Variants in AGTR1 observed in about 807,000 individuals in gnomAD.
AGTR1 encodes the protein angiotensin II receptor type 1.
In AGTR1, 16 loss-of-function variants were observed where a neutral mutation model predicts 19.4. That is an observed-to-expected ratio of 0.82 (90% CI 0.56 to 1.25). AGTR1 has a LOEUF of 1.25. Among genes scored for constraint, AGTR1 ranks in the 50% most tolerant of loss-of-function variants. The pLI, the probability that AGTR1 is intolerant of heterozygous loss-of-function variation, is 0.00. For synonymous variants in AGTR1, 153 were observed against 154.9 expected, an observed-to-expected ratio of 0.99 and a Z score of 0.09; for missense variants, 373 against 431.9, an observed-to-expected ratio of 0.86 and a Z score of 1.21.
chr3:148,705,433 C>A (rs548629033), intron 1 of AGTR1, among the ~76,000 whole-genome samples: 204 of 118,296 alleles, frequency 1.7e-3, no homozygotes, highest in Non-Finnish European at 2.8e-3. Context: ...CTTTAATAAT[C>A]TAACTCTCCC....
chr3:148,718,140 C>G (rs564103848), intron 2 of AGTR1, among the ~76,000 whole-genome samples: 327 of 152,242 alleles, frequency 2.1e-3, no homozygotes, highest in Non-Finnish European at 4.1e-3. Context: ...GCAATAATGC[C>G]TTTTAAAAGA....
At chr3:148,719,997 C>A (rs1456804938) in intron 2 of AGTR1, among the ~76,000 whole-genome samples, 1 of 152,154 alleles carries the variant, frequency 6.6e-6, no homozygotes, top group Non-Finnish European at 1.5e-5. Context: ...GTACAAGTAT[C>A]TCTGGGAATC....
At chr3:148,732,242 A>G (rs1030739345) in intron 2 of AGTR1, among the ~76,000 whole-genome samples, 2 of 152,212 alleles carry the variant, frequency 1.3e-5, no homozygotes, top group African/African-American at 2.4e-5. Context: ...GGTAGTGTCA[A>G]TAAATAACGT....
intron 1 of AGTR1, among the ~76,000 whole-genome samples, chr3:148,704,761 G>A (rs1403280470): frequency 6.6e-6 from 1 of 152,172 alleles, no homozygotes; most frequent in Non-Finnish European, 1.5e-5. Flanking sequence ...GCTTATTGAT[G>A]TTGGTCAAAA....
intron 1 of AGTR1, 128 bp downstream of exon 1, chr3:148,698,255 G>C (rs1712087975): frequency 6.6e-6 from 1 of 152,430 alleles, no homozygotes; most frequent in African/African-American, 2.4e-5. Context: ...AAGAGCGACC[G>C]TAGTTCTGGT....
chr3:148,704,186 C>CA (rs1712522914), intron 1 of AGTR1, among the ~76,000 whole-genome samples: 1 of 151,702 alleles, frequency 6.6e-6, no homozygotes, highest in South Asian at 2.1e-4. Flanking sequence ...CCCATCTCTA[C>CA]AAAAAATAAA....
intron 2 of AGTR1, among the ~76,000 whole-genome samples, chr3:148,721,444 G>A (rs1713628865): frequency 6.6e-6 from 1 of 152,102 alleles, no homozygotes; most frequent in Admixed American, 6.6e-5. Flanking sequence ...CAGCCAAGAT[G>A]GAATAACAGG....
chr3:148,721,964 C>T lies in AGTR1; in HGVS notation c.-48+13937C>T, dbSNP rs543920308. Among the ~76,000 whole-genome samples the T allele has an allele frequency of 9.2e-5, 14 of 152,238 alleles. No individual in the cohort carries two copies. The South Asian group carries it at 2.7e-3, about 29-fold the overall frequency. ...CCTCAGGAATGGGAAAAATTTAGCC[C>T]TAGACTAATTGCTGCTCTGGTACCA... On this transcript the variant is annotated intron_variant, in intron 2 of 2. Coordinates refer to ENST00000349243, the MANE Select transcript of AGTR1 (RefSeq NM_000685.5).
At chr3:148,700,455 G>A (rs915511818) in intron 1 of AGTR1, among the ~76,000 whole-genome samples, 4 of 152,056 alleles carry the variant, frequency 2.6e-5, no homozygotes, top group Non-Finnish European at 2.9e-5. Flanking sequence ...TTTTGCTTTC[G>A]AATTTGTTAC....
intron 1 of AGTR1, among the ~76,000 whole-genome samples, chr3:148,701,168 A>G (rs1440944547): frequency 6.6e-6 from 1 of 152,218 alleles, no homozygotes; most frequent in Non-Finnish European, 1.5e-5. Flanking sequence ...CTAAAATGCA[A>G]TATTTCAATC....
At chr3:148,732,830 TC>T (rs1241804314) in intron 2 of AGTR1, among the ~76,000 whole-genome samples, 4 of 132,166 alleles carry the variant, frequency 3.0e-5, no homozygotes, top group African/African-American at 1.1e-4. Context: ...AAGCTCTGCC[TC>T]CCGGGTTCAC....
chr3:148,742,344 CGAA>C lies in AGTR1; in HGVS notation c.*233_*235del. On this transcript the variant is annotated 3_prime_UTR_variant, in exon 3 of 3. Transcript: ENST00000349243. ...TTGCATTAGACAGATGACGGCTGCT[CGAA>C]GAACAATGTCAGAAACTCGATGAAT... The C allele has an allele frequency of 1.5e-6, 1 of 654,778 alleles. No individual in the cohort carries two copies. Among genetic ancestry groups the C allele is most frequent in the East Asian group, 3.0e-5 (1 of 33,842 alleles). 40.6% of individuals were successfully genotyped at this position (654,778 alleles called of 1,614,324 possible).
intron 2 of AGTR1, among the ~76,000 whole-genome samples, chr3:148,731,827 A>G (rs1272636581): frequency 1.3e-5 from 2 of 152,238 alleles, no homozygotes; most frequent in Non-Finnish European, 2.9e-5. Context: ...TAATCAATCA[A>G]TAAATAAAAA....
chr3:148,735,600 G>A (rs977491142), intron 2 of AGTR1, among the ~76,000 whole-genome samples: 2 of 152,146 alleles, frequency 1.3e-5, no homozygotes, highest in African/African-American at 4.8e-5. Context: ...AATAAAAGAA[G>A]AAGTAGACTT....
intron 2 of AGTR1, among the ~76,000 whole-genome samples, chr3:148,726,214 A>AT (rs11390367): frequency 0.019 from 2,784 of 147,092 alleles, 73 homozygotes; most frequent in African/African-American, 0.062. Context: ...CAGTCTACTG[A>AT]TTTTTTTTTT....
chr3:148,718,391 T>A (rs1227467839), intron 2 of AGTR1, among the ~76,000 whole-genome samples: 3 of 152,224 alleles, frequency 2.0e-5, no homozygotes, highest in Non-Finnish European at 4.4e-5. Context: ...TCATCATTTC[T>A]AATCAGGATG....
At chr3:148,733,778 T>G (rs1714422956) in intron 2 of AGTR1, among the ~76,000 whole-genome samples, 1 of 152,222 alleles carries the variant, frequency 6.6e-6, no homozygotes, top group East Asian at 1.9e-4. Context: ...TTTAGAAGTG[T>G]AAGAGGACAG....
chr3:148,724,789 G>T (rs1713838685), intron 2 of AGTR1, among the ~76,000 whole-genome samples: 1 of 152,116 alleles, frequency 6.6e-6, no homozygotes, highest in African/African-American at 2.4e-5. Flanking sequence ...GCTGATCATT[G>T]ACTTATTTAC....
intron 2 of AGTR1, among the ~76,000 whole-genome samples, chr3:148,717,972 A>C (rs1345392047): frequency 6.6e-6 from 1 of 152,124 alleles, no homozygotes; most frequent in Non-Finnish European, 1.5e-5. Flanking sequence ...GGGATGAGTT[A>C]TTTTCCCCTC....
Sources: allele counts gnomAD v4.1 joint callset (sites outside exome capture counted in the v4.1 genomes callset), GRCh38; gene constraint gnomAD v4.1.1; transcripts MANE v1.5; gene names NCBI Gene and HGNC (gene_info 2026-07-23, HGNC 2026-07-21).